DYRK1A: variants seen among roughly 807,000 people sequenced by gnomAD.
DYRK1A encodes the protein dual specificity tyrosine phosphorylation regulated kinase 1A, also known as dual specificity tyrosine-phosphorylation-regulated kinase 1A.
A neutral mutation model predicts 79.7 loss-of-function variants in DYRK1A; 9 were observed. That is an observed-to-expected ratio of 0.11 (90% CI 0.07 to 0.20). The LOEUF is 0.20. Ranked by LOEUF, DYRK1A falls within the 10% of genes least tolerant of loss-of-function variation. DYRK1A has a pLI of 1.00. For missense variants in DYRK1A, 622 were observed against 956.0 expected (o/e 0.65, Z 4.61); for synonymous variants, 349 against 329.7 (o/e 1.06, Z -0.63).
At chr21:37,411,341 G>A (rs754596842) in intron 1 of DYRK1A, among the ~76,000 whole-genome samples, 2 of 151,914 alleles carry the variant, frequency 1.3e-5, no homozygotes, top group African/African-American at 4.8e-5. Flanking sequence ...GAGTGACATA[G>A]TGAGACTCTG....
chr21:37,488,782 G>A (rs1209250099), intron 6 of DYRK1A: 6 of 985,190 alleles, frequency 6.1e-6, no homozygotes, highest in Non-Finnish European at 7.2e-6. Flanking sequence ...TTAGAATTCT[G>A]ACAGCAGTTA....
chr21:37,478,328 C>A, intron 4 of DYRK1A, 28 bp downstream of exon 4: 1 of 1,599,454 alleles, frequency 6.3e-7, no homozygotes, highest in Non-Finnish European at 8.5e-7. Flanking sequence ...ATAATAACAT[C>A]TATCTTGCAG....
intron 11 of DYRK1A, among the ~76,000 whole-genome samples, chr21:37,509,128 T>G (rs1172542908): frequency 6.6e-6 from 1 of 152,240 alleles, no homozygotes; most frequent in Non-Finnish European, 1.5e-5. Flanking sequence ...TTTTCCTTCC[T>G]TCCATGCCTT....
At chr21:37,380,513 A>G (rs2148369197) in intron 1 of DYRK1A, among the ~76,000 whole-genome samples, 1 of 152,260 alleles carries the variant, frequency 6.6e-6, no homozygotes, top group South Asian at 2.1e-4. Context: ...CAGCAATATT[A>G]GAGACAGCTA....
At chr21:37,453,684 A>G (rs1227302498) in intron 2 of DYRK1A, among the ~76,000 whole-genome samples, 1 of 152,214 alleles carries the variant, frequency 6.6e-6, no homozygotes, top group African/African-American at 2.4e-5. Flanking sequence ...TTTGTTTGGC[A>G]TAAACTTCTC....
At position 37,521,725 on chromosome 21, in the gene DYRK1A, A is replaced by C. The variant is rs1284265443; in HGVS notation, c.*9194A>C. 1 of 152,272 alleles carries C rather than the reference A, an allele frequency of 6.6e-6. No homozygotes were observed. The highest frequency in any genetic ancestry group is 1.5e-5 in the Non-Finnish European group (1 of 68,072). 9.4% of individuals were successfully genotyped at this position (152,272 alleles called of 1,614,324 possible). Reference sequence around the variant, plus strand: ...AATGCCCTAGAATCTAGGAGAAGACAACAGGCCATTCGAAGGTGAGGAGGC... The same window carrying C: ...AATGCCCTAGAATCTAGGAGAAGACCACAGGCCATTCGAAGGTGAGGAGGC... On this transcript the variant is annotated 3_prime_UTR_variant, in exon 12 of 12. Transcript: ENST00000647188.
Position 37,515,269 on chromosome 21 carries a change from G to A in DYRK1A, c.*2738G>A, listed in dbSNP as rs1043478509. 4 of 152,578 alleles carry A rather than the reference G, an allele frequency of 2.6e-5. No homozygotes were observed. The highest frequency in any genetic ancestry group is 1.3e-4 in the Admixed American group (2 of 15,272). The allele number at this position is 152,578 out of a possible 1,614,324, so 9.5% of individuals were successfully genotyped here. A position where few individuals can be genotyped will look rare whatever the true frequency, so the allele number is the denominator to read the frequency against. ...ATGCAATTAAACTGGTCCAGGTCTG[G>A]TAGGTATAGTATCAAAGTTGAGTTA... On this transcript the variant is annotated 3_prime_UTR_variant, in exon 12 of 12. Transcript: ENST00000647188.
chr21:37,496,364 A>C, intron 9 of DYRK1A, 106 bp downstream of exon 9: 2 of 1,162,278 alleles, frequency 1.7e-6, no homozygotes, highest in Admixed American at 5.3e-5. Flanking sequence ...GTTTCAGTTA[A>C]CGATTTTATT....
rs139014710 is a variant in DYRK1A at position 37,478,007 on chromosome 21, C to G, written c.208-201C>G. ...AGCTGGGCATATTATCCTCTAATTT[C>G]ATTGATTTGTTCTAGTGGTTGTCTT... is the stretch of plus-strand genomic sequence containing the variant. On this transcript the variant is annotated intron_variant, in intron 3 of 11. Coordinates refer to ENST00000647188, the MANE Select transcript of DYRK1A (RefSeq NM_001347721.2). Among the ~76,000 whole-genome samples, 1,468 of 152,296 alleles carry G rather than the reference C, an allele frequency of 9.6e-3. 20 individuals carry two copies. Among genetic ancestry groups the G allele is most frequent in the African/African-American group, 0.032 (1,342 of 41,550 alleles).
chr21:37,413,874 C>T (rs568797560), intron 1 of DYRK1A, among the ~76,000 whole-genome samples: 1 of 152,042 alleles, frequency 6.6e-6, no homozygotes, highest in African/African-American at 2.4e-5. Context: ...TTTCTTCATA[C>T]CACTTTGCTC....
At chr21:37,378,331 G>A (rs968648758) in intron 1 of DYRK1A, among the ~76,000 whole-genome samples, 10 of 152,250 alleles carry the variant, frequency 6.6e-5, no homozygotes, top group African/African-American at 2.2e-4. Context: ...TTGGGAGTTT[G>A]AGACGACCCT....
chr21:37,386,771 C>T (rs895503982), intron 1 of DYRK1A, among the ~76,000 whole-genome samples: 1 of 152,158 alleles, frequency 6.6e-6, no homozygotes, highest in African/African-American at 2.4e-5. Context: ...TCTCATTTCC[C>T]CCTTTAGTCA....
chr21:37,457,733 C>G (rs1201831000), intron 2 of DYRK1A, among the ~76,000 whole-genome samples: 2 of 152,108 alleles, frequency 1.3e-5, no homozygotes, highest in Admixed American at 1.3e-4. Flanking sequence ...TTAAAAATAT[C>G]TTGTATGTTT....
chr21:37,391,991 G>T (rs1008806727), intron 1 of DYRK1A, among the ~76,000 whole-genome samples: 1 of 152,186 alleles, frequency 6.6e-6, no homozygotes, highest in African/African-American at 2.4e-5. Flanking sequence ...TCCAAATACT[G>T]TCATTTAACC....
intron 2 of DYRK1A, among the ~76,000 whole-genome samples, chr21:37,451,366 C>G (rs1410632396): frequency 1.9e-5 from 1 of 52,566 alleles, no homozygotes; most frequent in African/African-American, 4.7e-5. Flanking sequence ...CCATCCCTCC[C>G]TCCCTCCATC....
intron 2 of DYRK1A, among the ~76,000 whole-genome samples, chr21:37,422,546 G>C (rs945977723): frequency 1.3e-5 from 2 of 152,138 alleles, no homozygotes; most frequent in Non-Finnish European, 2.9e-5. Context: ...GTTAGATGTG[G>C]TAACTTACTC....
At chr21:37,386,200 A>G (rs1033534153) in intron 1 of DYRK1A, among the ~76,000 whole-genome samples, 2 of 152,198 alleles carry the variant, frequency 1.3e-5, no homozygotes, top group Non-Finnish European at 2.9e-5. Flanking sequence ...GGTGAGTTGT[A>G]TAATTATTTC....
chr21:37,487,556 CAG>C (rs746360413), intron 6 of DYRK1A: 1 of 152,132 alleles, frequency 6.6e-6, no homozygotes, highest in African/African-American at 2.4e-5. Flanking sequence ...AAGATCAGCA[CAG>C]AGCCATAGTC....
At chr21:37,445,703 A>AT (rs888593352) in intron 2 of DYRK1A, among the ~76,000 whole-genome samples, 2 of 152,066 alleles carry the variant, frequency 1.3e-5, no homozygotes, top group African/African-American at 4.8e-5. Flanking sequence ...ACAGTGTGAC[A>AT]TTTTTTCCCC....
Sources: gnomAD v4.1 joint callset for allele counts (sites outside exome capture counted in the v4.1 genomes callset) on GRCh38, gnomAD v4.1.1 for gene constraint, MANE v1.5 for transcripts, NCBI Gene and HGNC (gene_info 2026-07-23, HGNC 2026-07-21) for gene names.